The following SHROOM4 variants were observed in gnomAD, a reference collection of about 807,000 sequenced individuals.
SHROOM4 encodes shroom family member 4, also known as protein Shroom4.
SHROOM4 carries 17 observed loss-of-function variants against 80.3 expected under a neutral mutation model. The observed-to-expected ratio is 0.21, with a 90% CI of 0.14 to 0.32. The LOEUF (loss-of-function observed/expected upper bound fraction) is 0.32, where lower values mean the gene tolerates loss of function less well. Ranked by LOEUF, SHROOM4 falls within the 10% of genes least tolerant of loss-of-function variation. SHROOM4 has a pLI of 1.00. For synonymous variants in SHROOM4, 400 were observed against 437.5 expected, an observed-to-expected ratio of 0.91 and a Z score of 1.07; for missense variants, 993 against 1,140.3, an observed-to-expected ratio of 0.87 and a Z score of 1.86.
At chrX:50,630,086 C>CA (rs1299634098) in intron 4 of SHROOM4, among the ~76,000 whole-genome samples, 1 of 110,904 alleles carries the variant, frequency 9.0e-6, no homozygotes, top group African/African-American at 3.3e-5. Context: ...CCTCAGAGTA[C>CA]AAAAAATAGA....
intron 1 of SHROOM4, among the ~76,000 whole-genome samples, chrX:50,760,310 A>T (rs1935125318): frequency 1.0e-5 from 1 of 97,355 alleles, no homozygotes; most frequent in African/African-American, 3.5e-5. Context: ...ATTATAAAAT[A>T]TTTATTTTTT....
chrX:50,803,661 C>T (rs1602527995), intron 1 of SHROOM4, among the ~76,000 whole-genome samples: 1 of 112,253 alleles, frequency 8.9e-6, no homozygotes, highest in Admixed American at 9.4e-5. Flanking sequence ...TTAGATCCTA[C>T]CCCACAGTTT....
rs1023893112 is a variant in SHROOM4, at chrX:50,592,972, C to T, written c.*3723G>A. On this transcript the variant is annotated 3_prime_UTR_variant, in exon 9 of 9. Transcript: ENST00000376020. Reference sequence around the variant, plus strand: ...GTGAGCTAAAGGGCAGGGCTGTGATCCTGAGATCCTTCTGAGTAGAAAAAT... The same window carrying T: ...GTGAGCTAAAGGGCAGGGCTGTGATTCTGAGATCCTTCTGAGTAGAAAAAT... 1 of 111,830 alleles carries T rather than the reference C, an allele frequency of 8.9e-6. No homozygotes were observed. Among genetic ancestry groups the T allele is most frequent in the Non-Finnish European group, 1.9e-5 (1 of 53,219 alleles). The allele number at this position is 111,830 out of a possible 1,213,427, so 9.2% of individuals were successfully genotyped here.
At chrX:50,662,297 G>A (rs781801951) in intron 2 of SHROOM4, among the ~76,000 whole-genome samples, 88 of 111,098 alleles carry the variant, frequency 7.9e-4, no homozygotes, top group Non-Finnish European at 1.1e-3. Context: ...TCAGGAGTTC[G>A]AGACCAGTCT....
chrX:50,731,362 A>G (rs1253032214), intron 1 of SHROOM4, among the ~76,000 whole-genome samples: 1 of 110,974 alleles, frequency 9.0e-6, no homozygotes, highest in Non-Finnish European at 1.9e-5. Flanking sequence ...AGAACACAGA[A>G]CTCCTTCTCC....
At chrX:50,626,685 G>A (rs1256846667) in intron 5 of SHROOM4, among the ~76,000 whole-genome samples, 2 of 111,998 alleles carry the variant, frequency 1.8e-5, no homozygotes, top group Non-Finnish European at 3.8e-5. Flanking sequence ...CACCGCCCCA[G>A]TTATAATCAT....
intron 2 of SHROOM4, among the ~76,000 whole-genome samples, chrX:50,654,924 T>C (rs1270063850): frequency 1.9e-5 from 2 of 104,268 alleles, no homozygotes; most frequent in African/African-American, 7.0e-5. Flanking sequence ...TTTCCAGTCC[T>C]TGTCCCCCTC....
At chrX:50,765,952 TCTA>T (rs1251621844) in intron 1 of SHROOM4, among the ~76,000 whole-genome samples, 7 of 111,976 alleles carry the variant, frequency 6.3e-5, no homozygotes, top group Admixed American at 1.9e-4. Flanking sequence ...TATTTCCCTT[TCTA>T]CTACCTTCAC....
intron 2 of SHROOM4, among the ~76,000 whole-genome samples, chrX:50,655,100 T>C (rs1602409606): frequency 9.2e-6 from 1 of 109,196 alleles, no homozygotes; most frequent in East Asian, 2.9e-4. Context: ...TCTGTGTATG[T>C]TGCTGCAAAG....
chrX:50,612,984 G>A (rs188437367), intron 5 of SHROOM4, among the ~76,000 whole-genome samples: 1 of 111,920 alleles, frequency 8.9e-6, no homozygotes, highest in Admixed American at 9.4e-5. Context: ...AGGCAAAGGT[G>A]CCCACTTTCC....
intron 2 of SHROOM4, among the ~76,000 whole-genome samples, chrX:50,689,704 T>A (rs1557262517): frequency 8.9e-6 from 1 of 112,134 alleles, no homozygotes. Context: ...GTTGTAACAC[T>A]TTACGTTTTC....
intron 5 of SHROOM4, among the ~76,000 whole-genome samples, chrX:50,618,283 C>CT (rs1378392047): frequency 0.043 from 3 of 69 alleles, no homozygotes; most frequent in Non-Finnish European, 0.13. Context: ...TCTTCCCCTT[C>CT]CTTCCTTCCT....
In SHROOM4 at chrX:50,682,198, G is replaced by C. The variant is rs955067983; in HGVS notation, c.269+13588C>G. Among the ~76,000 whole-genome samples the C allele has an allele frequency of 2.7e-5, 3 of 111,932 alleles. No individual in the cohort carries two copies. The South Asian group carries it at 1.1e-3, about 42-fold the overall frequency. On this transcript the variant is annotated intron_variant, in intron 2 of 8. Coordinates refer to ENST00000376020, the MANE Select transcript of SHROOM4 (RefSeq NM_020717.5). ...TCTAAGAGGCACTCAATAAATGCTA[G>C]TTCTTATAAATAGCATTTGTAACTA...
intron 2 of SHROOM4, among the ~76,000 whole-genome samples, chrX:50,670,600 T>C (rs1557260736): frequency 2.7e-5 from 3 of 111,838 alleles, no homozygotes; most frequent in Non-Finnish European, 5.6e-5. Flanking sequence ...AGCAGAATGA[T>C]TTATAATCCT....
chrX:50,755,699 T>A (rs965919225), intron 1 of SHROOM4, among the ~76,000 whole-genome samples: 2 of 111,410 alleles, frequency 1.8e-5, no homozygotes, highest in African/African-American at 6.5e-5. Flanking sequence ...AAAAGAACTT[T>A]AGGATAGAGG....
chrX:50,656,826 T>G (rs782441579), intron 2 of SHROOM4, among the ~76,000 whole-genome samples: 6 of 111,289 alleles, frequency 5.4e-5, no homozygotes, highest in Non-Finnish European at 7.6e-5. Flanking sequence ...ATCTGTAGAT[T>G]GTTTTCAGCA....
At chrX:50,697,751 T>C (rs1265081241) in intron 1 of SHROOM4, among the ~76,000 whole-genome samples, 1 of 111,588 alleles carries the variant, frequency 9.0e-6, no homozygotes, top group African/African-American at 3.3e-5. Flanking sequence ...TTATTTCCAT[T>C]GTCATTATCA....
rs1408870668 is a variant in SHROOM4 at position 50,588,347 on chromosome X, C to T, written c.*8348G>A. Among the ~76,000 whole-genome samples, 1 of 111,956 alleles carries T rather than the reference C, an allele frequency of 8.9e-6. No homozygotes were observed. Among genetic ancestry groups the T allele is most frequent in the East Asian group, 2.8e-4 (1 of 3,568 alleles). ...CTCTACCAGAGACCTCATTTGATTC[C>T]TACTTTAGCTTTATAATAAAAGTTA... On this transcript the variant is annotated 3_prime_UTR_variant, in exon 9 of 9. Transcript: ENST00000376020.
intron 1 of SHROOM4, among the ~76,000 whole-genome samples, chrX:50,745,617 G>C (rs1934757977): frequency 1.8e-5 from 2 of 111,101 alleles, no homozygotes; most frequent in Admixed American, 9.6e-5. Context: ...TTGTGGCCAA[G>C]AATAAATCTT....
Sources: allele counts gnomAD v4.1 joint callset (sites outside exome capture counted in the v4.1 genomes callset), GRCh38; gene constraint gnomAD v4.1.1; transcripts MANE v1.5; gene names NCBI Gene and HGNC (gene_info 2026-07-23, HGNC 2026-07-21).